CHKA: variants seen among roughly 807,000 people sequenced by gnomAD.
CHKA encodes choline kinase alpha.
A neutral mutation model predicts 60.1 loss-of-function variants in CHKA; 34 were observed. The ratio of observed to expected loss-of-function variants is 0.57; its 90% CI spans 0.43 to 0.75. The LOEUF is 0.75. Among genes scored for constraint, CHKA ranks in the 30% least tolerant of loss-of-function variants. The pLI is 0.00. For missense variants in CHKA, 563 were observed against 561.3 expected (o/e 1.00, Z -0.03); for synonymous variants, 217 against 223.1 (o/e 0.97, Z 0.24).
intron 8 of CHKA, 138 bp downstream of exon 8, chr11:68,066,291 G>A (rs989174514): frequency 1.3e-5 from 9 of 705,440 alleles, no homozygotes; most frequent in African/African-American, 5.4e-5. Context: ...GCCACTGGAC[G>A]AGAAGCCACT....
Position 68,059,014 on chromosome 11 carries a change from AGTTTCC to A in CHKA, c.1314+2933_1314+2938del, listed in dbSNP as rs376510927. Among the ~76,000 whole-genome samples the A allele has an allele frequency of 2.4e-3, 359 of 152,228 alleles. 2 individuals are homozygous for A. The highest frequency in any genetic ancestry group is 7.9e-3 in the African/African-American group (328 of 41,526). ...TGGGTTCAAGCGATTCTCCTGCCTC[AGTTTCC>A]TGAGTAGCTGGGATTACAGGCATGT... On this transcript the variant is annotated intron_variant, in intron 11 of 11. Transcript: ENST00000265689.
chr11:68,101,149 C>T (rs1476385612), intron 1 of CHKA, among the ~76,000 whole-genome samples: 7 of 151,778 alleles, frequency 4.6e-5, no homozygotes, highest in Non-Finnish European at 8.8e-5. Flanking sequence ...GGGGTTTCAC[C>T]GTGTTAGCCA....
At chr11:68,114,963 A>G (rs1295015562) in intron 1 of CHKA, among the ~76,000 whole-genome samples, 1 of 152,192 alleles carries the variant, frequency 6.6e-6, no homozygotes, top group Non-Finnish European at 1.5e-5. Flanking sequence ...ATGGTCTCCA[A>G]CTTATGATGG....
At chr11:68,070,395 A>C in intron 5 of CHKA, 102 bp from the exon 6 acceptor site, 1 of 886,488 alleles carries the variant, frequency 1.1e-6, no homozygotes, top group Non-Finnish European at 1.8e-6. Flanking sequence ...ATCCCAGCGC[A>C]GTCACAATGC....
At chr11:68,106,389 AT>A (rs934407025) in intron 1 of CHKA, among the ~76,000 whole-genome samples, 22 of 148,756 alleles carry the variant, frequency 1.5e-4, no homozygotes, top group East Asian at 5.9e-4. Flanking sequence ...GATCTCTACA[AT>A]TTTTTTTTTT....
intron 9 of CHKA, among the ~76,000 whole-genome samples, chr11:68,065,033 C>A (rs991761763): frequency 6.6e-6 from 1 of 152,184 alleles, no homozygotes; most frequent in Non-Finnish European, 1.5e-5. Flanking sequence ...CCCATGAGAA[C>A]TGATTCTCCA....
At chr11:68,078,566 TTTCA>T (rs1856866667) in intron 3 of CHKA, among the ~76,000 whole-genome samples, 1 of 152,206 alleles carries the variant, frequency 6.6e-6, no homozygotes, top group African/African-American at 2.4e-5. Flanking sequence ...TAAACTGACT[TTTCA>T]CTTTATCTAT....
chr11:68,065,944 G>T, intron 8 of CHKA, 50 bp from the exon 9 acceptor site: 1 of 1,310,134 alleles, frequency 7.6e-7, no homozygotes. Flanking sequence ...CCGTATGCCT[G>T]GAGGCTCCCT....
intron 7 of CHKA, among the ~76,000 whole-genome samples, chr11:68,067,217 CAG>C (rs1341592120): frequency 6.6e-6 from 1 of 152,234 alleles, no homozygotes; most frequent in African/African-American, 2.4e-5. Flanking sequence ...GCTAGGTTTT[CAG>C]CAGCTCTCTC....
chr11:68,102,812 A>C (rs1857775580), intron 1 of CHKA, among the ~76,000 whole-genome samples: 1 of 152,336 alleles, frequency 6.6e-6, no homozygotes, highest in African/African-American at 2.4e-5. Context: ...TAAGGGGATA[A>C]TATAGAAAAT....
Position 68,065,768 on chromosome 11 carries a change from C to G in CHKA, c.1125+18G>C. On this transcript the variant is annotated intron_variant, in intron 9 of 11. Coordinates refer to ENST00000265689, the MANE Select transcript of CHKA (RefSeq NM_001277.3). The stretch of plus-strand genomic sequence containing the variant: ...ACATGTAATTTTCCTATCAAGTATA[C>G]AAAAACTCATCTCCTACCTGTTGTT... 1 of 1,520,142 alleles carries G rather than the reference C, an allele frequency of 6.6e-7. No individual in the cohort carries two copies. The highest frequency in any genetic ancestry group is 9.1e-7 in the Non-Finnish European group (1 of 1,099,298). The allele number at this position is 1,520,142 out of a possible 1,614,324, so 94.2% of individuals were successfully genotyped here. A position where few individuals can be genotyped will look rare whatever the true frequency, so the allele number is the denominator to read the frequency against.
intron 1 of CHKA, among the ~76,000 whole-genome samples, chr11:68,110,162 TA>T (rs1394446546): frequency 6.6e-6 from 1 of 152,146 alleles, no homozygotes; most frequent in Non-Finnish European, 1.5e-5. Flanking sequence ...AACCTACAGC[TA>T]ACATTATACT....
At chr11:68,066,569 C>A in intron 7 of CHKA, 53 bp from the exon 8 acceptor site, 11 of 1,341,496 alleles carry the variant, frequency 8.2e-6, no homozygotes, top group Non-Finnish European at 1.2e-5. Context: ...AGGCTCAAGT[C>A]CTTGAACAGC....
intron 3 of CHKA, 59 bp downstream of exon 3, chr11:68,081,345 G>A (rs1027964529): frequency 3.5e-5 from 49 of 1,417,314 alleles, no homozygotes; most frequent in African/African-American, 4.2e-5. Context: ...CTGGAGTAGC[G>A]AAGGGTGGCT....
At chr11:68,096,193 G>A (rs187677727) in intron 2 of CHKA, among the ~76,000 whole-genome samples, 161 of 151,260 alleles carry the variant, frequency 1.1e-3, no homozygotes, top group African/African-American at 3.6e-3. Flanking sequence ...GTGAAACCCC[G>A]TCTCTACTAA....
At chr11:68,113,261 T>A (rs749116406) in intron 1 of CHKA, among the ~76,000 whole-genome samples, 2 of 151,416 alleles carry the variant, frequency 1.3e-5, no homozygotes, top group Non-Finnish European at 2.9e-5. Context: ...GCCTGAGCAA[T>A]GTAGCAAGAC....
intron 11 of CHKA, among the ~76,000 whole-genome samples, chr11:68,059,472 A>G (rs1011098209): frequency 1.1e-4 from 16 of 152,178 alleles, no homozygotes; most frequent in African/African-American, 3.6e-4. Flanking sequence ...ATTTTTGCCA[A>G]TGTTTTGATA....
At chr11:68,054,197 C>CG in intron 11 of CHKA, 150 bp from the exon 12 acceptor site, 1 of 641,436 alleles carries the variant, frequency 1.6e-6, no homozygotes, top group Non-Finnish European at 2.8e-6. Flanking sequence ...CAGGGCTGCT[C>CG]GGGGGCCTCG....
rs114791746 is a variant in CHKA at position 68,091,401 on chromosome 11, C to T, written c.462+5618G>A. 2.0e-3 allele frequency among the ~76,000 whole-genome samples: 302 copies of T among 152,276 alleles called. 4 individuals are homozygous for T. The highest frequency in any genetic ancestry group is 6.9e-3 in the African/African-American group (285 of 41,560). On this transcript the variant is annotated intron_variant, in intron 2 of 11. Transcript: ENST00000265689. Reference sequence around the variant, plus strand: ...TATTTTTATGTTTAATAATTTCCTACAAATAATATTGTATAGTTGTGTGTG... The same window carrying T: ...TATTTTTATGTTTAATAATTTCCTATAAATAATATTGTATAGTTGTGTGTG...
Sources: gnomAD v4.1 joint callset for allele counts (sites outside exome capture counted in the v4.1 genomes callset) on GRCh38, gnomAD v4.1.1 for gene constraint, MANE v1.5 for transcripts, NCBI Gene and HGNC (gene_info 2026-07-23, HGNC 2026-07-21) for gene names.